PROX1: variants seen among roughly 807,000 people sequenced by gnomAD.
The protein encoded by PROX1 is prospero homeobox 1, also known as prospero homeobox protein 1.
Under a neutral mutation model 58.8 loss-of-function variants are expected in PROX1, and 7 were observed. The ratio of observed to expected loss-of-function variants is 0.12; its 90% CI spans 0.07 to 0.22. PROX1 has a LOEUF of 0.22. PROX1 is among the 10% of genes least tolerant of loss of function. The pLI, the probability that PROX1 is intolerant of heterozygous loss-of-function variation, is 1.00. For missense variants in PROX1, 675 were observed against 927.8 expected (o/e 0.73, Z 3.54); for synonymous variants, 350 against 358.3 (o/e 0.98, Z 0.26).
chr1:214,027,705 C>A (rs1033871546), intron 4 of PROX1, among the ~76,000 whole-genome samples: 11 of 151,994 alleles, frequency 7.2e-5, no homozygotes, highest in Non-Finnish European at 1.3e-4. Flanking sequence ...TTTATCTAGC[C>A]GAGAAAACGA....
chr1:214,026,457 G>T (rs1664461918), intron 4 of PROX1, among the ~76,000 whole-genome samples: 1 of 152,166 alleles, frequency 6.6e-6, no homozygotes, highest in South Asian at 2.1e-4. Context: ...ATCTCTACAT[G>T]CAGAATTGCC....
intron 4 of PROX1, among the ~76,000 whole-genome samples, chr1:214,024,813 AT>A (rs1664398036): frequency 6.6e-6 from 1 of 152,148 alleles, no homozygotes; most frequent in African/African-American, 2.4e-5. Flanking sequence ...TGTTTGTGCT[AT>A]GTTGTTTTTG....
intron 3 of PROX1, among the ~76,000 whole-genome samples, chr1:214,006,773 A>ATGTGTG (rs1020424255): frequency 6.6e-6 from 1 of 151,558 alleles, no homozygotes; most frequent in African/African-American, 2.4e-5. Flanking sequence ...GTGTGCACAT[A>ATGTGTG]TGTGTGTGTG....
At position 214,037,991 on chromosome 1, in the gene PROX1, G is replaced by A. The variant is rs995105145; in HGVS notation, c.*2157G>A. The A allele has an allele frequency of 6.6e-6, 1 of 152,172 alleles. No individual in the cohort carries two copies. Among genetic ancestry groups the A allele is most frequent in the African/African-American group, 2.4e-5 (1 of 41,440 alleles). 9.4% of individuals were successfully genotyped at this position (152,172 alleles called of 1,614,324 possible). The stretch of plus-strand genomic sequence containing the variant: ...TGTGTTGCCATTTGCAAGGTAAAAG[G>A]CAAAGCTGTAGTGTATTCACCTATG... On this transcript the variant is annotated 3_prime_UTR_variant, in exon 5 of 5. Coordinates refer to ENST00000366958, the MANE Select transcript of PROX1 (RefSeq NM_001270616.2).
At chr1:214,022,273 G>C (rs552944407) in intron 4 of PROX1, among the ~76,000 whole-genome samples, 4 of 152,202 alleles carry the variant, frequency 2.6e-5, no homozygotes, top group Non-Finnish European at 5.9e-5. Flanking sequence ...GGATGTAATA[G>C]TGACTACTTC....
intron 1 of PROX1, among the ~76,000 whole-genome samples, chr1:213,992,574 G>C (rs1663075273): frequency 6.6e-6 from 1 of 152,110 alleles, no homozygotes; most frequent in Admixed American, 6.5e-5. Flanking sequence ...AAGTAGATTA[G>C]AGGCCCATAC....
rs369927365 is a variant in PROX1 at position 214,035,774 on chromosome 1, T to C, written c.2154T>C (p.Asp718=). Residue 718 remains aspartate (D), a synonymous_variant, in exon 5 of 5, where the codon GAT becomes GAC. Coordinates refer to ENST00000366958, the MANE Select transcript of PROX1 (RefSeq NM_001270616.2). Reference sequence around the variant, plus strand: ...TATACAAGGTCATCTGCAAGCTGGATAGTGAAGTCCCTGAGATTTTCAAAT... The same window carrying C: ...TATACAAGGTCATCTGCAAGCTGGACAGTGAAGTCCCTGAGATTTTCAAAT... The part of the protein sequence containing the change: ...KAIYKVICKL[D]SEVPEIFKSP... 6.2e-7 allele frequency: 1 copy of C among 1,614,022 alleles called. No individual in the cohort carries two copies.
chr1:213,987,701 C>T (rs1330183221), upstream of PROX1: 1 of 17,958 alleles, frequency 5.6e-5, no homozygotes, highest in African/African-American at 2.3e-4. Flanking sequence ...GAAGCTGTGG[C>T]AGGGTGGGGG....
rs1281060120 is a variant in PROX1 at position 214,038,239 on chromosome 1, A to G, written c.*2405A>G. 6.6e-6 allele frequency: 1 copy of G among 152,252 alleles called. No individual in the cohort carries two copies. The highest frequency in any genetic ancestry group is 1.9e-4 in the East Asian group (1 of 5,202). The allele number at this position is 152,252 out of a possible 1,614,324, so 9.4% of individuals were successfully genotyped here. ...ATTATTTCAGAGTAGAAATTGCAGCATGAGGATAAACTCACCTCTTTGTTC... is the reference window on the plus strand; with the variant it reads ...ATTATTTCAGAGTAGAAATTGCAGCGTGAGGATAAACTCACCTCTTTGTTC... On this transcript the variant is annotated 3_prime_UTR_variant, in exon 5 of 5. Coordinates refer to ENST00000366958, the MANE Select transcript of PROX1 (RefSeq NM_001270616.2).
chr1:213,999,932 A>C (rs1212417645), intron 2 of PROX1, among the ~76,000 whole-genome samples: 2 of 152,154 alleles, frequency 1.3e-5, no homozygotes, highest in Admixed American at 1.3e-4. Flanking sequence ...TCAGAGGTTC[A>C]TGTAAGGCTA....
chr1:214,005,847 T>C (rs1195889439), intron 3 of PROX1, among the ~76,000 whole-genome samples: 2 of 152,136 alleles, frequency 1.3e-5, no homozygotes, highest in Non-Finnish European at 2.9e-5. Context: ...CAGGACACAT[T>C]ATTCAAATGA....
rs779408970 is a variant in PROX1, at chr1:214,027,197, C to T, written c.2029-8452C>T. 1.8e-4 allele frequency among the ~76,000 whole-genome samples: 28 copies of T among 152,066 alleles called. 1 individual carries two copies. Among genetic ancestry groups the T allele is most frequent in the South Asian group, 4.1e-4 (2 of 4,820 alleles). ...CACTTCTGCTCCTTCTCTAGCCTTT[C>T]CCTGGGTTTGCTTCCCCCAACCCCC... On this transcript the variant is annotated intron_variant, in intron 4 of 4. Coordinates refer to ENST00000366958, the MANE Select transcript of PROX1 (RefSeq NM_001270616.2).
intron 3 of PROX1, among the ~76,000 whole-genome samples, chr1:214,010,953 C>T (rs1663886726): frequency 6.6e-6 from 1 of 152,102 alleles, no homozygotes; most frequent in Non-Finnish European, 1.5e-5. Context: ...TAAGTGGAAT[C>T]ACAGTTGGAT....
chr1:213,990,659 C>CGTGTGTGTGTGTGTGTGT (rs71165944), intron 1 of PROX1, among the ~76,000 whole-genome samples: 5 of 136,020 alleles, frequency 3.7e-5, no homozygotes, highest in Middle Eastern at 3.7e-3. Flanking sequence ...AGAGAACTGT[C>CGTGTGTGTGTGTGTGTGT]GTGTGTGTGT....
intron 3 of PROX1, among the ~76,000 whole-genome samples, chr1:214,010,419 T>C (rs1165419378): frequency 6.6e-6 from 1 of 152,208 alleles, no homozygotes; most frequent in Non-Finnish European, 1.5e-5. Context: ...TTAGCTGTCA[T>C]CTTGTTGGAG....
chr1:213,988,812 A>G (rs552156091), intron 1 of PROX1: 1 of 151,778 alleles, frequency 6.6e-6, no homozygotes, highest in African/African-American at 2.4e-5. Context: ...ATGTTGCTGG[A>G]CTTGTCGCTG....
At chr1:214,009,666 C>T (rs904001297) in intron 3 of PROX1, among the ~76,000 whole-genome samples, 3 of 152,070 alleles carry the variant, frequency 2.0e-5, no homozygotes, top group Non-Finnish European at 2.9e-5. Flanking sequence ...ATGTCCCATT[C>T]GTAAATAATG....
At position 214,033,184 on chromosome 1, in the gene PROX1, C is replaced by T. The variant is rs534876102; in HGVS notation, c.2029-2465C>T. Reference sequence around the variant, plus strand: ...GGGGCAGCTGCCCACACCTTCACCCCTCAAAGCTCTCTGCCATGTCATGCT... The same window carrying T: ...GGGGCAGCTGCCCACACCTTCACCCTTCAAAGCTCTCTGCCATGTCATGCT... On this transcript the variant is annotated intron_variant, in intron 4 of 4. Transcript: ENST00000366958. 1.6e-4 allele frequency among the ~76,000 whole-genome samples: 25 copies of T among 152,324 alleles called. No homozygotes were observed. The South Asian group carries it at 4.3e-3, about 26-fold the overall frequency.
In PROX1 at chr1:213,997,109, G is replaced by C; in HGVS notation, c.574G>C (p.Glu192Gln). 1 of 1,613,840 alleles carries C rather than the reference G, an allele frequency of 6.2e-7. No homozygotes were observed. The highest frequency in any genetic ancestry group is 8.5e-7 in the Non-Finnish European group (1 of 1,179,920). Residue 192 changes from glutamate to glutamine, a missense_variant, in exon 2 of 5, where the codon GAG becomes CAG. By Grantham distance (29) the Glu-to-Gln change is conservative. Coordinates refer to ENST00000366958, the MANE Select transcript of PROX1 (RefSeq NM_001270616.2). The surrounding 1 kb of genome is among the most constrained non-coding windows in gnomAD (Gnocchi z 7.1). The stretch of plus-strand genomic sequence containing the variant: ...ATTAAGGGGCAATGAAAATGAAAGA[G>C]AGATGGCCCCGCAGTCTGTGAGTCC... ...VALRGNENEREMAPQSVSPRE... is the reference protein window; with the variant it reads ...VALRGNENERQMAPQSVSPRE...
Sources: allele counts gnomAD v4.1 joint callset (sites outside exome capture counted in the v4.1 genomes callset), GRCh38; gene constraint gnomAD v4.1.1; non-coding constraint Gnocchi (gnomAD v3.1); transcripts MANE v1.5; gene names NCBI Gene and HGNC (gene_info 2026-07-23, HGNC 2026-07-21).